The following HOOK3 variants were observed in gnomAD, a reference collection of about 807,000 sequenced individuals.
The protein encoded by HOOK3 is protein Hook homolog 3.
A neutral mutation model predicts 116.3 loss-of-function variants in HOOK3; 24 were observed. The observed-to-expected ratio is 0.21, with a 90% CI of 0.15 to 0.29. HOOK3 has a LOEUF of 0.29. Among genes scored for constraint, HOOK3 ranks in the 10% least tolerant of loss-of-function variants. The pLI, the probability that HOOK3 is intolerant of heterozygous loss-of-function variation, is 1.00. For missense variants in HOOK3, 632 were observed against 830.2 expected (o/e 0.76, Z 2.93); for synonymous variants, 275 against 283.0 (o/e 0.97, Z 0.28).
chr8:43,021,590 C>G lies in HOOK3; in HGVS notation c.*3092C>G. ...TGCTGAGATTACAGGCACGAGCCAC[C>G]GCGCCCAGTCGTACTTCTGACTTTT... On this transcript the variant is annotated 3_prime_UTR_variant, in exon 22 of 22. Coordinates refer to ENST00000307602, the MANE Select transcript of HOOK3 (RefSeq NM_032410.4). 1 of 179,834 alleles carries G rather than the reference C, an allele frequency of 5.6e-6. No homozygotes were observed. The highest frequency in any genetic ancestry group is 6.3e-5 in the Admixed American group (1 of 15,912). The allele number at this position is 179,834 out of a possible 1,614,324, so 11.1% of individuals were successfully genotyped here.
At chr8:42,925,432 G>T in intron 2 of HOOK3, 125 bp from the exon 3 acceptor site, 1 of 632,334 alleles carries the variant, frequency 1.6e-6, no homozygotes, top group Non-Finnish European at 2.7e-6. Flanking sequence ...GTTATTTCGT[G>T]GCTGATATGT....
Position 43,026,481 on chromosome 8 carries a change from G to A in HOOK3, c.*7983G>A, listed in dbSNP as rs1179236484. The A allele has an allele frequency of 9.5e-6, 2 of 210,222 alleles. No homozygotes were observed. The highest frequency in any genetic ancestry group is 1.9e-5 in the Non-Finnish European group (2 of 103,548). 13.0% of individuals were successfully genotyped at this position (210,222 alleles called of 1,614,324 possible). The stretch of plus-strand genomic sequence containing the variant: ...AAGCTGGGTTGGAGCTACTGGATAT[G>A]AGTTACTTTTTACATGTCTCCTTAA... On this transcript the variant is annotated 3_prime_UTR_variant, in exon 22 of 22. Transcript: ENST00000307602.
At chr8:42,969,814 A>G (rs992184639) in intron 11 of HOOK3, among the ~76,000 whole-genome samples, 1 of 152,132 alleles carries the variant, frequency 6.6e-6, no homozygotes, top group East Asian at 1.9e-4. Flanking sequence ...AAAAAATTGA[A>G]TCATTTCTTT....
intron 3 of HOOK3, among the ~76,000 whole-genome samples, chr8:42,925,868 T>C (rs1309706932): frequency 1.3e-5 from 2 of 152,224 alleles, no homozygotes; most frequent in Non-Finnish European, 2.9e-5. Flanking sequence ...ACATCATAGC[T>C]CTGCCATTTA....
chr8:42,930,232 A>T (rs1807847993), intron 4 of HOOK3, 60 bp downstream of exon 4: 1 of 1,379,514 alleles, frequency 7.2e-7, no homozygotes, highest in Admixed American at 2.9e-5. Flanking sequence ...TAATTTTATA[A>T]TAGTTTCAAG....
chr8:42,927,187 C>A (rs1807781422), intron 3 of HOOK3, among the ~76,000 whole-genome samples: 1 of 149,770 alleles, frequency 6.7e-6, no homozygotes, highest in African/African-American at 2.5e-5. Context: ...TTGGGTTTGC[C>A]AAAATCTAAT....
chr8:42,988,592 G>C (rs575180372), intron 15 of HOOK3, among the ~76,000 whole-genome samples: 1 of 151,846 alleles, frequency 6.6e-6, no homozygotes, highest in Non-Finnish European at 1.5e-5. Flanking sequence ...CAACACTGAC[G>C]ATGAATAACT....
rs191124426 is a variant in HOOK3 at position 42,963,687 on chromosome 8, C to T, written c.616-624C>T. On this transcript the variant is annotated intron_variant, in intron 8 of 21. Transcript: ENST00000307602. ...GTCAGTCTTTTTAATTTTATTTATT[C>T]TAGTGGGAGTGTAGTTATATAATAA... Among the ~76,000 whole-genome samples, 34 of 152,206 alleles carry T rather than the reference C, an allele frequency of 2.2e-4. No individual in the cohort carries two copies. In the East Asian group the frequency reaches 6.0e-3, roughly 27 times the overall value.
intron 2 of HOOK3, among the ~76,000 whole-genome samples, chr8:42,921,812 G>A (rs1365378031): frequency 6.6e-6 from 1 of 152,210 alleles, no homozygotes; most frequent in African/African-American, 2.4e-5. Flanking sequence ...GTTTATGGAG[G>A]AATAGGAAAA....
intron 3 of HOOK3, among the ~76,000 whole-genome samples, chr8:42,929,202 T>G (rs1052111879): frequency 5.9e-5 from 9 of 152,180 alleles, no homozygotes; most frequent in Non-Finnish European, 1.2e-4. Context: ...AGAAAGCATA[T>G]TATATGCATT....
intron 15 of HOOK3, among the ~76,000 whole-genome samples, chr8:42,991,394 CTTTT>C (rs564333836): frequency 7.7e-6 from 1 of 129,622 alleles, no homozygotes; most frequent in Non-Finnish European, 1.7e-5. Flanking sequence ...TAGTATGGAC[CTTTT>C]TTTTTTTTTT....
intron 17 of HOOK3, among the ~76,000 whole-genome samples, chr8:43,006,455 TG>T (rs1469852832): frequency 1.3e-5 from 2 of 152,106 alleles, no homozygotes; most frequent in African/African-American, 4.8e-5. Context: ...GCTGAGTAGC[TG>T]GGACTACAGG....
chr8:42,899,593 T>A (rs1428422513), intron 1 of HOOK3, among the ~76,000 whole-genome samples: 1 of 152,270 alleles, frequency 6.6e-6, no homozygotes, highest in Non-Finnish European at 1.5e-5. Context: ...AGATTAATGC[T>A]AAGCACAATT....
intron 3 of HOOK3, among the ~76,000 whole-genome samples, chr8:42,928,201 C>T (rs916147917): frequency 3.9e-5 from 6 of 152,108 alleles, no homozygotes; most frequent in Non-Finnish European, 8.8e-5. Flanking sequence ...ATCACTTGAA[C>T]CTGGGAGGTG....
At chr8:42,993,263 T>C (rs544815116) in intron 15 of HOOK3, among the ~76,000 whole-genome samples, 155 of 152,272 alleles carry the variant, frequency 1.0e-3, no homozygotes, top group Non-Finnish European at 1.9e-3. Context: ...TATTGGCCTA[T>C]ACTTATATAT....
chr8:42,912,885 A>G (rs767626343), intron 2 of HOOK3, among the ~76,000 whole-genome samples: 18 of 152,172 alleles, frequency 1.2e-4, no homozygotes, highest in African/African-American at 4.1e-4. Flanking sequence ...TGCCATAACT[A>G]TCCTCTGTGT....
intron 4 of HOOK3, among the ~76,000 whole-genome samples, chr8:42,941,345 CTCTACTAAAAATACAAAAAAAAA>C (rs1315407026): frequency 1.3e-5 from 2 of 150,590 alleles, no homozygotes; most frequent in Non-Finnish European, 3.0e-5. Context: ...GAAACCCCAT[CTCTACTAAAAATACAAAAAAAAA>C]TTAGGTGGGT....
In HOOK3 at chr8:42,922,620, C is replaced by T. The variant is rs572628149; in HGVS notation, c.144-2937C>T. Among the ~76,000 whole-genome samples, 25 of 151,494 alleles carry T rather than the reference C, an allele frequency of 1.7e-4. 1 individual carries two copies. In the East Asian group the frequency reaches 4.3e-3, roughly 26 times the overall value. On this transcript the variant is annotated intron_variant, in intron 2 of 21. Coordinates refer to ENST00000307602, the MANE Select transcript of HOOK3 (RefSeq NM_032410.4). ...CATCAAGAAAGTGGAAAAACATGGCCGGGCATAGTGGCTCAAGCCTCTAAT... is the reference window on the plus strand; with the variant it reads ...CATCAAGAAAGTGGAAAAACATGGCTGGGCATAGTGGCTCAAGCCTCTAAT...
chr8:42,897,944 A>G (rs996986995), intron 1 of HOOK3, among the ~76,000 whole-genome samples: 7 of 152,060 alleles, frequency 4.6e-5, no homozygotes, highest in African/African-American at 1.7e-4. Context: ...AGGGGGAGGG[A>G]TGCGCAGAGC....
Sources: allele counts gnomAD v4.1 joint callset (sites outside exome capture counted in the v4.1 genomes callset), GRCh38; gene constraint gnomAD v4.1.1; transcripts MANE v1.5; gene names NCBI Gene and HGNC (gene_info 2026-07-23, HGNC 2026-07-21).